Variants in SLC25A36 observed in about 807,000 individuals in gnomAD.
The protein encoded by SLC25A36 is epididymis secretory sperm binding protein.
Under a neutral mutation model 35.3 loss-of-function variants are expected in SLC25A36, and 24 were observed. That is an observed-to-expected ratio of 0.68 (90% CI 0.49 to 0.96). The LOEUF is 0.96. SLC25A36 is among the 40% of genes least tolerant of loss of function. The pLI, the probability that SLC25A36 is intolerant of heterozygous loss-of-function variation, is 0.00. For missense variants in SLC25A36, 294 were observed against 381.1 expected, an observed-to-expected ratio of 0.77 and a Z score of 1.90; for synonymous variants, 141 against 132.2, an observed-to-expected ratio of 1.07 and a Z score of -0.46.
At chr3:140,954,535 T>C (rs1384027977) in intron 1 of SLC25A36, among the ~76,000 whole-genome samples, 1 of 152,228 alleles carries the variant, frequency 6.6e-6, no homozygotes, top group Non-Finnish European at 1.5e-5. Flanking sequence ...GTTCAGCGGT[T>C]GGCTGTTTGT....
At chr3:140,974,382 G>C (rs2114516) in intron 6 of SLC25A36, among the ~76,000 whole-genome samples, 1 of 151,692 alleles carries the variant, frequency 6.6e-6, no homozygotes, top group Non-Finnish European at 1.5e-5. Context: ...TGTTATGCTA[G>C]AACATAACCA....
At chr3:140,956,411 T>G (rs1279852012) in intron 1 of SLC25A36, 116 bp from the exon 2 acceptor site, 6 of 1,224,246 alleles carry the variant, frequency 4.9e-6, no homozygotes, top group Admixed American at 3.6e-5. Flanking sequence ...TTAAAAATTA[T>G]AAATTTTAGT....
At chr3:140,950,853 C>A (rs999320526) in intron 1 of SLC25A36, among the ~76,000 whole-genome samples, 1 of 151,678 alleles carries the variant, frequency 6.6e-6, no homozygotes, top group Non-Finnish European at 1.5e-5. Context: ...AGAGAATTAA[C>A]CTTCTGCCTA....
intron 4 of SLC25A36, chr3:140,966,326 C>A (rs1218879378): frequency 3.0e-6 from 1 of 330,732 alleles, no homozygotes; most frequent in African/African-American, 2.2e-5. Context: ...TGTAAACATT[C>A]TTCCTGTTTT....
chr3:140,953,953 G>C (rs1202128109), intron 1 of SLC25A36, among the ~76,000 whole-genome samples: 2 of 152,172 alleles, frequency 1.3e-5, no homozygotes, highest in African/African-American at 4.8e-5. Context: ...CTTGGTGACA[G>C]AGCAAGACAC....
At chr3:140,965,986 T>C (rs1934748407) in intron 4 of SLC25A36, 3 of 151,962 alleles carry the variant, frequency 2.0e-5, no homozygotes, top group Admixed American at 2.0e-4. Context: ...TGTATATACT[T>C]TTATATAGAA....
chr3:140,969,923 A>G (rs918617117), intron 4 of SLC25A36, among the ~76,000 whole-genome samples: 1 of 151,966 alleles, frequency 6.6e-6, no homozygotes, highest in Non-Finnish European at 1.5e-5. Flanking sequence ...ACATTTCTGC[A>G]TATAATTTTT....
intron 1 of SLC25A36, chr3:140,942,322 G>A: frequency 2.3e-6 from 1 of 427,198 alleles, no homozygotes; most frequent in Non-Finnish European, 4.2e-6. Context: ...GCCCGAGGGC[G>A]AGAGAGTGAG....
At chr3:140,967,886 T>TA (rs1934803409) in intron 4 of SLC25A36, 4 of 668,620 alleles carry the variant, frequency 6.0e-6, no homozygotes, top group Non-Finnish European at 7.4e-6. Flanking sequence ...CATGTCGTCT[T>TA]AAGTTCATTT....
intron 2 of SLC25A36, among the ~76,000 whole-genome samples, chr3:140,958,887 AT>A (rs1010539641): frequency 6.6e-6 from 1 of 151,670 alleles, no homozygotes; most frequent in Non-Finnish European, 1.5e-5. Context: ...ATCTGAACAG[AT>A]TTTTTAATCA....
At chr3:140,962,891 G>T (rs1434665002) in intron 3 of SLC25A36, among the ~76,000 whole-genome samples, 2 of 151,690 alleles carry the variant, frequency 1.3e-5, no homozygotes, top group Non-Finnish European at 2.9e-5. Flanking sequence ...TTGGAAGGGG[G>T]TCTGTTTGAG....
intron 5 of SLC25A36, among the ~76,000 whole-genome samples, chr3:140,971,949 T>C (rs1934914984): frequency 1.3e-5 from 2 of 152,198 alleles, no homozygotes; most frequent in South Asian, 4.1e-4. Flanking sequence ...TGCTTAAATA[T>C]CTGTTTTCCA....
In SLC25A36 at chr3:140,970,728, A is replaced by C. The variant is rs547182912; in HGVS notation, c.386-199A>C. On this transcript the variant is annotated intron_variant, in intron 4 of 6. Transcript: ENST00000324194. ...TTGCTTTTAAAAGAATCTGTTAGTT[A>C]AGGACAGAATTTGAGAATTCATATA... 5.2e-4 allele frequency: 212 copies of C among 404,570 alleles called. 2 individuals carry two copies. The South Asian group carries it at 8.6e-3, about 16-fold the overall frequency. The allele number at this position is 404,570 out of a possible 1,614,324, so 25.1% of individuals were successfully genotyped here.
intron 2 of SLC25A36, among the ~76,000 whole-genome samples, chr3:140,957,317 G>C (rs1350150532): frequency 6.6e-6 from 1 of 152,132 alleles, no homozygotes; most frequent in Non-Finnish European, 1.5e-5. Flanking sequence ...GTTCAGTAGT[G>C]TTTATTTTGT....
intron 4 of SLC25A36, chr3:140,965,099 A>G (rs150131828): frequency 3.9e-5 from 6 of 151,930 alleles, no homozygotes; most frequent in Admixed American, 6.6e-5. Context: ...TTGCAGTTAC[A>G]TTGTTCTGAG....
At chr3:140,963,259 ACTTTCT>A in intron 4 of SLC25A36, 32 bp downstream of exon 4, 18 of 1,308,484 alleles carry the variant, frequency 1.4e-5, no homozygotes, top group African/African-American at 3.1e-5. Flanking sequence ...AAAAAAAAAA[ACTTTCT>A]GAAACCTAGA....
chr3:140,959,707 C>T (rs549905586), intron 3 of SLC25A36, among the ~76,000 whole-genome samples, 167 bp downstream of exon 3: 1 of 152,080 alleles, frequency 6.6e-6, no homozygotes, highest in East Asian at 1.9e-4. Context: ...AGATTCTAGC[C>T]AGAACAAATT....
intron 2 of SLC25A36, among the ~76,000 whole-genome samples, chr3:140,958,960 TTGTGTGTGTG>T (rs377492880): frequency 0.022 from 2,530 of 112,576 alleles, 62 homozygotes; most frequent in African/African-American, 0.061. Flanking sequence ...AAACAATGTT[TTGTGTGTGTG>T]TGTGTGTGTG....
chr3:140,943,645 G>T (rs1350358346), intron 1 of SLC25A36, among the ~76,000 whole-genome samples: 1 of 152,128 alleles, frequency 6.6e-6, no homozygotes, highest in African/African-American at 2.4e-5. Flanking sequence ...TTTAATTTGG[G>T]TGAAAAATGG....
Sources: gnomAD v4.1 joint callset for allele counts (sites outside exome capture counted in the v4.1 genomes callset) on GRCh38, gnomAD v4.1.1 for gene constraint, MANE v1.5 for transcripts, NCBI Gene and HGNC (gene_info 2026-07-23, HGNC 2026-07-21) for gene names.